The following TENM2 variants were observed in gnomAD, a reference collection of about 807,000 sequenced individuals.
TENM2 encodes teneurin transmembrane protein 2.
A neutral mutation model predicts 245.2 loss-of-function variants in TENM2; 52 were observed. That is an observed-to-expected ratio of 0.21 (90% CI 0.17 to 0.27). TENM2 has a LOEUF of 0.27. Among genes scored for constraint, TENM2 ranks in the 10% least tolerant of loss-of-function variants. The pLI, the probability that TENM2 is intolerant of heterozygous loss-of-function variation, is 1.00. For missense variants in TENM2, 3,046 were observed against 3,666.8 expected (o/e 0.83, Z 4.37); for synonymous variants, 1,363 against 1,438.9 (o/e 0.95, Z 1.19).
At chr5:168,182,178 T>C (rs1581559840) in intron 13 of TENM2, among the ~76,000 whole-genome samples, 2 of 152,264 alleles carry the variant, frequency 1.3e-5, no homozygotes. Flanking sequence ...ACTAATCTCA[T>C]ATTGCCAGGT....
At chr5:167,153,700 T>C in the TENM2 span, among the ~76,000 whole-genome samples, 3 of 152,082 alleles carry the variant, frequency 2.0e-5, no homozygotes, top group Non-Finnish European at 4.4e-5. Flanking sequence ...CACACACATA[T>C]ATCCAGATCA....
chr5:167,876,193 G>A (rs1177397287), exon 3 of TENM2: 2 of 1,550,554 alleles, frequency 1.3e-6, no homozygotes, highest in Non-Finnish European at 1.7e-6. Flanking sequence ...GCCTCCAGCA[G>A]TGGTAAGGAA....
chr5:167,379,023 C>A (rs1760939039), intron 2 of TENM2, among the ~76,000 whole-genome samples: 2 of 152,050 alleles, frequency 1.3e-5, no homozygotes, highest in South Asian at 2.1e-4. Flanking sequence ...GTTGGTTAAA[C>A]ATTTAAGAAA....
the TENM2 span, among the ~76,000 whole-genome samples, chr5:167,017,586 C>T: frequency 6.6e-6 from 1 of 152,296 alleles, no homozygotes; most frequent in East Asian, 1.9e-4. Flanking sequence ...TAGAGGATAA[C>T]TACACTTCTG....
At chr5:167,125,046 G>A in the TENM2 span, among the ~76,000 whole-genome samples, 12 of 152,214 alleles carry the variant, frequency 7.9e-5, no homozygotes, top group South Asian at 1.2e-3. Flanking sequence ...TGATAGCATC[G>A]CCTAAGAAGT....
At chr5:168,071,651 A>G (rs1289087042) in intron 7 of TENM2, among the ~76,000 whole-genome samples, 3 of 152,220 alleles carry the variant, frequency 2.0e-5, no homozygotes, top group Non-Finnish European at 2.9e-5. Flanking sequence ...TCCTTTTTCA[A>G]TATGATAAAT....
chr5:167,426,223 G>C (rs969988740), intron 2 of TENM2, among the ~76,000 whole-genome samples: 1 of 152,060 alleles, frequency 6.6e-6, no homozygotes, highest in Non-Finnish European at 1.5e-5. Flanking sequence ...CTTGAATTCT[G>C]ATATGAGCCA....
intron 5 of TENM2, among the ~76,000 whole-genome samples, chr5:168,025,246 T>C (rs17069646): frequency 0.34 from 51,960 of 152,156 alleles, 9,141 homozygotes; most frequent in Middle Eastern, 0.41. Context: ...GAAACAATTT[T>C]GAGGAAGCCA....
At chr5:167,342,709 A>G in intron 1 of TENM2, among the ~76,000 whole-genome samples, 1 of 151,082 alleles carries the variant, frequency 6.6e-6, no homozygotes, top group East Asian at 2.0e-4. Flanking sequence ...TTGTATTTTT[A>G]GTAGAGACGG....
intron 2 of TENM2, among the ~76,000 whole-genome samples, chr5:167,473,435 A>G (rs1489615333): frequency 1.3e-5 from 2 of 152,232 alleles, no homozygotes; most frequent in African/African-American, 4.8e-5. Flanking sequence ...GCTAAATAGC[A>G]CATTTCTTTA....
chr5:167,883,760 C>T (rs936117969), intron 3 of TENM2, among the ~76,000 whole-genome samples: 4 of 152,170 alleles, frequency 2.6e-5, no homozygotes, highest in African/African-American at 7.2e-5. Context: ...TTCAGCTTCT[C>T]GCAAATTCAC....
At chr5:167,238,514 GA>G in the TENM2 span, among the ~76,000 whole-genome samples, 1 of 152,220 alleles carries the variant, frequency 6.6e-6, no homozygotes, top group Non-Finnish European at 1.5e-5. Context: ...CAAAATATGT[GA>G]ATGACAAGAT....
At chr5:167,594,844 T>G (rs1312151162) in intron 2 of TENM2, among the ~76,000 whole-genome samples, 1 of 152,212 alleles carries the variant, frequency 6.6e-6, no homozygotes, top group Admixed American at 6.5e-5. Flanking sequence ...GCCACACTAT[T>G]TTTGATACAC....
intron 12 of TENM2, among the ~76,000 whole-genome samples, chr5:168,158,817 G>GTA (rs1757439921): frequency 4.2e-5 from 3 of 70,656 alleles, no homozygotes; most frequent in Non-Finnish European, 5.6e-5. Flanking sequence ...ATGTGTGTGT[G>GTA]TGTGTGTGTG....
At chr5:167,300,491 GA>G (rs1561846078) in intron 1 of TENM2, among the ~76,000 whole-genome samples, 1 of 152,156 alleles carries the variant, frequency 6.6e-6, no homozygotes, top group African/African-American at 2.4e-5. Context: ...CACAGATCCT[GA>G]ACTAACCTGT....
At chr5:167,639,362 A>G (rs1161771551) in intron 2 of TENM2, among the ~76,000 whole-genome samples, 1 of 152,182 alleles carries the variant, frequency 6.6e-6, no homozygotes, top group Non-Finnish European at 1.5e-5. Context: ...TTCAATACCC[A>G]TGAAGCAAAT....
chr5:166,988,156 A>T, the TENM2 span, among the ~76,000 whole-genome samples: 2 of 152,266 alleles, frequency 1.3e-5, no homozygotes, highest in East Asian at 1.9e-4. Flanking sequence ...CTGACTTTTG[A>T]TATCATCCAT....
chr5:168,240,092 C>T (rs564985648), intron 25 of TENM2, among the ~76,000 whole-genome samples: 1 of 152,266 alleles, frequency 6.6e-6, no homozygotes, highest in Non-Finnish European at 1.5e-5. Flanking sequence ...TGGTGGTGCA[C>T]CTCTGTAGTC....
intron 1 of TENM2, among the ~76,000 whole-genome samples, chr5:167,321,804 G>A (rs13183772): frequency 9.7e-5 from 1 of 10,278 alleles, no homozygotes; most frequent in Non-Finnish European, 2.1e-4. Flanking sequence ...TTTTTTTTGG[G>A]GGGGGGGGCG....
Sources: gnomAD v4.1 joint callset for allele counts (sites outside exome capture counted in the v4.1 genomes callset) on GRCh38, gnomAD v4.1.1 for gene constraint, MANE v1.5 for transcripts, NCBI Gene and HGNC (gene_info 2026-07-23, HGNC 2026-07-21) for gene names.